The following AEN variants were observed in gnomAD, a reference collection of about 807,000 sequenced individuals.
AEN encodes apoptosis-enhancing nuclease.
Under a neutral mutation model 17.7 loss-of-function variants are expected in AEN, and 21 were observed. The observed-to-expected ratio is 1.19, with a 90% CI of 0.84 to 1.71. AEN has a LOEUF of 1.71. Ranked by LOEUF, AEN falls within the 40% of genes most tolerant of loss-of-function variation. AEN has a pLI of 0.00. For missense variants in AEN, 462 were observed against 435.9 expected (o/e 1.06, Z -0.53); for synonymous variants, 190 against 173.0 (o/e 1.10, Z -0.77).
chr15:88,629,171 C>G, intron 2 of AEN, 55 bp from the exon 3 acceptor site: 1 of 1,586,100 alleles, frequency 6.3e-7, no homozygotes, highest in Non-Finnish European at 8.6e-7. Flanking sequence ...GGCGTGTCTC[C>G]TGCCAACCTG....
In AEN at chr15:88,629,258, G is replaced by A. The variant is rs1567105767; in HGVS notation, c.573G>A (p.Val191=). The part of the protein sequence containing the change: ...ILKLLKGKVV[V]GHALHNDFQA... ...AGCTCCTGAAGGGCAAGGTGGTGGT[G>A]GGGCACGCGCTGCACAACGACTTCC... The change falls in exon 3 of 4, where the codon GTG becomes GTA. Residue 191 remains valine (V), a synonymous_variant. Transcript: ENST00000332810. 1 of 1,614,094 alleles carries A rather than the reference G, an allele frequency of 6.2e-7. No homozygotes were observed. The highest frequency in any genetic ancestry group is 2.2e-5 in the East Asian group (1 of 44,876).
the AEN span, chr15:88,611,849 C>T: frequency 2.1e-5 from 11 of 512,440 alleles, no homozygotes; most frequent in Admixed American, 1.2e-4. Flanking sequence ...GACCGGCTGG[C>T]CCCATCTGGA....
chr15:88,606,748 G>T, the AEN span, among the ~76,000 whole-genome samples: 2 of 152,222 alleles, frequency 1.3e-5, no homozygotes, highest in Non-Finnish European at 2.9e-5. Context: ...GGAAATCCTG[G>T]AAGATGTTTG....
chr15:88,622,020 C>T (rs1246790271), intron 1 of AEN, among the ~76,000 whole-genome samples: 1 of 152,150 alleles, frequency 6.6e-6, no homozygotes, highest in Non-Finnish European at 1.5e-5. Flanking sequence ...GGTGAAGAGA[C>T]GTGACTTGCC....
chr15:88,629,163 C>T (rs1279524507), intron 2 of AEN, 63 bp from the exon 3 acceptor site: 9 of 1,529,468 alleles, frequency 5.9e-6, no homozygotes, highest in African/African-American at 5.5e-5. Flanking sequence ...GTTCTCAGGG[C>T]GTGTCTCCTG....
intron 1 of AEN, among the ~76,000 whole-genome samples, chr15:88,625,347 C>G (rs890313600): frequency 2.8e-4 from 43 of 152,086 alleles, no homozygotes; most frequent in Non-Finnish European, 8.8e-5. Context: ...GAAACCCCAT[C>G]TCTACTAAAA....
the AEN span, among the ~76,000 whole-genome samples, chr15:88,608,870 G>T: frequency 2.0e-5 from 3 of 152,198 alleles, no homozygotes; most frequent in Non-Finnish European, 4.4e-5. Context: ...TGGAACTGGA[G>T]ATTATCCCAG....
the AEN span, among the ~76,000 whole-genome samples, chr15:88,613,067 G>C: frequency 4.9e-4 from 74 of 152,304 alleles, no homozygotes; most frequent in East Asian, 0.014. Flanking sequence ...CCATACAGCA[G>C]AGGAGACTAA....
chr15:88,630,312 CT>C lies in AEN; in HGVS notation c.*19del. 6.4e-7 allele frequency: 1 copy of C among 1,559,086 alleles called. No individual in the cohort carries two copies. The highest frequency in any genetic ancestry group is 8.7e-7 in the Non-Finnish European group (1 of 1,151,384). ...GGAATTGAGAAGGGGGCGGGGCTCC[CT>C]GGCTGGGCTTCCGGTGTGGCCGGTA... On this transcript the variant is annotated 3_prime_UTR_variant, in exon 4 of 4. Coordinates refer to ENST00000332810, the MANE Select transcript of AEN (RefSeq NM_022767.4). This position sits in a 1 kb window ranked among gnomAD's most constrained non-coding sequence, Gnocchi z 5.1.
At chr15:88,613,213 C>G in the AEN span, among the ~76,000 whole-genome samples, 4 of 152,204 alleles carry the variant, frequency 2.6e-5, no homozygotes, top group Admixed American at 6.5e-5. Flanking sequence ...CTTGACCTCT[C>G]TGAACCAAGT....
At chr15:88,621,524 C>T (rs1175645851) in intron 1 of AEN, 142 bp downstream of exon 1, 1 of 152,228 alleles carries the variant, frequency 6.6e-6, no homozygotes, top group Non-Finnish European at 1.5e-5. Context: ...CCTACCGGCC[C>T]GCAGAAAAGC....
At chr15:88,608,525 T>A in the AEN span, among the ~76,000 whole-genome samples, 1 of 152,212 alleles carries the variant, frequency 6.6e-6, no homozygotes, top group Non-Finnish European at 1.5e-5. Flanking sequence ...GTCCTCATTA[T>A]TAGAGATTTG....
At position 88,626,248 on chromosome 15, in the gene AEN, G is replaced by GTGCCCT; in HGVS notation, c.41_46dup (p.Cys14_Pro15dup). On this transcript the variant is annotated inframe_insertion, in exon 2 of 4. Transcript: ENST00000332810. ...AGGCCCCTGAGTCTGCTCAGTGCCT[G>GTGCCCT]TGCCCTTCCCTCACCATCCCAAATG... The GTGCCCT allele has an allele frequency of 6.2e-7, 1 of 1,610,834 alleles. No homozygotes were observed. The highest frequency in any genetic ancestry group is 8.5e-7 in the Non-Finnish European group (1 of 1,178,364).
chr15:88,608,019 T>C, the AEN span: 2 of 466,286 alleles, frequency 4.3e-6, no homozygotes, highest in Non-Finnish European at 9.1e-6. Flanking sequence ...GCAACAGTTG[T>C]GTGGTTTTTT....
At chr15:88,612,553 A>G in the AEN span, among the ~76,000 whole-genome samples, 12,662 of 151,944 alleles carry the variant, frequency 0.083, 583 homozygotes, top group African/African-American at 0.11. Context: ...TAGTGATCAG[A>G]AAAAGCATTT....
rs757381258 is a variant in AEN at position 88,629,322 on chromosome 15, G to T, written c.637G>T (p.Asp213Tyr). The change falls in exon 3 of 4, where the codon GAT becomes TAT. Residue 213 changes from aspartate to tyrosine, a missense_variant. Asp to Tyr is a radical substitution (Grantham distance 160). Coordinates refer to ENST00000332810, the MANE Select transcript of AEN (RefSeq NM_022767.4). ...TGTCCACCCTCGGAGCCAGACCCGG[G>T]ATACGACCTATGTCCCAAACTTCCT... ...KYVHPRSQTR[D>Y]TTYVPNFLSE... 6.2e-7 allele frequency: 1 copy of T among 1,614,076 alleles called. No individual in the cohort carries two copies. Among genetic ancestry groups the T allele is most frequent in the South Asian group, 1.1e-5 (1 of 91,084 alleles).
chr15:88,621,170 C>G (rs911880975), upstream of AEN: 1 of 152,342 alleles, frequency 6.6e-6, no homozygotes, highest in African/African-American at 2.4e-5. Flanking sequence ...GCTCGCAGCA[C>G]GAGTTACGCC....
At chr15:88,606,622 G>C in the AEN span, among the ~76,000 whole-genome samples, 2 of 152,194 alleles carry the variant, frequency 1.3e-5, no homozygotes, top group Admixed American at 1.3e-4. Context: ...GGGTGGCGGG[G>C]CTTTGGCCAC....
intron 2 of AEN, chr15:88,628,204 A>C (rs2057879236): frequency 6.6e-6 from 1 of 151,852 alleles, no homozygotes; most frequent in Admixed American, 6.6e-5. Flanking sequence ...ATCTCTTTCC[A>C]CTTCATGGCT....
Sources: allele counts gnomAD v4.1 joint callset (sites outside exome capture counted in the v4.1 genomes callset), GRCh38; gene constraint gnomAD v4.1.1; non-coding constraint Gnocchi (gnomAD v3.1); transcripts MANE v1.5; gene names NCBI Gene and HGNC (gene_info 2026-07-23, HGNC 2026-07-21).